Variants in PRKCA observed in about 807,000 individuals in gnomAD.
PRKCA encodes the protein protein kinase C alpha type.
PRKCA carries 27 observed loss-of-function variants against 87.0 expected under a neutral mutation model. That is an observed-to-expected ratio of 0.31 (90% CI 0.23 to 0.43). The LOEUF (loss-of-function observed/expected upper bound fraction) is 0.43. Among genes scored for constraint, PRKCA ranks in the 20% least tolerant of loss-of-function variants. The pLI is 1.00. For synonymous variants in PRKCA, 329 were observed against 311.1 expected, an observed-to-expected ratio of 1.06 and a Z score of -0.61; for missense variants, 518 against 852.3, an observed-to-expected ratio of 0.61 and a Z score of 4.88.
intron 5 of PRKCA, among the ~76,000 whole-genome samples, chr17:66,660,392 G>T (rs1241786541): frequency 6.6e-6 from 1 of 152,158 alleles, no homozygotes; most frequent in African/African-American, 2.4e-5. Flanking sequence ...TCCTTGTCAA[G>T]TTGCTCATTT....
intron 3 of PRKCA, among the ~76,000 whole-genome samples, chr17:66,534,630 G>A (rs1178758581): frequency 6.6e-6 from 1 of 152,154 alleles, no homozygotes; most frequent in Non-Finnish European, 1.5e-5. Context: ...TCACGCCACT[G>A]CACTCCAGCC....
intron 3 of PRKCA, among the ~76,000 whole-genome samples, chr17:66,503,342 T>C (rs1440785804): frequency 6.6e-6 from 1 of 152,138 alleles, no homozygotes; most frequent in African/African-American, 2.4e-5. Context: ...TATTGCTCTA[T>C]CTCACCTGGC....
chr17:66,705,949 T>C (rs149580860), intron 8 of PRKCA, among the ~76,000 whole-genome samples: 4 of 152,320 alleles, frequency 2.6e-5, no homozygotes, highest in Non-Finnish European at 5.9e-5. Context: ...TAAGATTGCC[T>C]GTCCCTGGAG....
intron 8 of PRKCA, among the ~76,000 whole-genome samples, chr17:66,705,690 G>A (rs1973174877): frequency 6.6e-6 from 1 of 152,090 alleles, no homozygotes; most frequent in South Asian, 2.1e-4. Flanking sequence ...TACCCACAGG[G>A]GATGAGCAGG....
At chr17:66,755,393 C>T (rs773629949) in intron 13 of PRKCA, among the ~76,000 whole-genome samples, 6 of 152,140 alleles carry the variant, frequency 3.9e-5, no homozygotes, top group African/African-American at 9.7e-5. Flanking sequence ...CCTTAATAAC[C>T]GCCTCATCAC....
At chr17:66,754,366 G>A (rs765725458) in intron 13 of PRKCA, among the ~76,000 whole-genome samples, 4 of 151,936 alleles carry the variant, frequency 2.6e-5, no homozygotes, top group Non-Finnish European at 4.4e-5. Flanking sequence ...TACACAGAGC[G>A]GGCACCATGT....
At chr17:66,788,797 C>G in intron 15 of PRKCA, 42 bp from the exon 16 acceptor site, 1 of 1,600,024 alleles carries the variant, frequency 6.2e-7, no homozygotes, top group Non-Finnish European at 8.5e-7. Context: ...TGTGGGAAGC[C>G]CTTGACATCC....
chr17:66,466,624 G>T (rs1385800759), intron 2 of PRKCA, among the ~76,000 whole-genome samples: 1 of 152,180 alleles, frequency 6.6e-6, no homozygotes, highest in African/African-American at 2.4e-5. Flanking sequence ...TGGAGTCTGT[G>T]CTGTTAAGAA....
chr17:66,486,947 TACA>T (rs1412816381), intron 2 of PRKCA, among the ~76,000 whole-genome samples: 1 of 152,212 alleles, frequency 6.6e-6, no homozygotes, highest in Non-Finnish European at 1.5e-5. Flanking sequence ...CCAAAATATG[TACA>T]ACTATTATGT....
At chr17:66,405,054 G>A (rs1911285079) in intron 2 of PRKCA, among the ~76,000 whole-genome samples, 1 of 151,974 alleles carries the variant, frequency 6.6e-6, no homozygotes, top group Admixed American at 6.6e-5. Context: ...CCGGCCAAGA[G>A]AGGGGTAGGC....
intron 9 of PRKCA, among the ~76,000 whole-genome samples, chr17:66,735,125 G>A (rs1973993827): frequency 1.3e-5 from 2 of 152,180 alleles, no homozygotes; most frequent in African/African-American, 4.8e-5. Context: ...CTTGACTTGA[G>A]AGATTATAAA....
chr17:66,682,040 G>C (rs891951666), intron 5 of PRKCA, among the ~76,000 whole-genome samples: 5 of 152,194 alleles, frequency 3.3e-5, no homozygotes, highest in Non-Finnish European at 7.3e-5. Flanking sequence ...ATCCGGCTAG[G>C]GCGGCCCAGT....
At chr17:66,381,709 T>G (rs1909783250) in intron 2 of PRKCA, among the ~76,000 whole-genome samples, 1 of 152,230 alleles carries the variant, frequency 6.6e-6, no homozygotes, top group Non-Finnish European at 1.5e-5. Flanking sequence ...CCATCCCCAC[T>G]GTCTTCCAGG....
intron 13 of PRKCA, among the ~76,000 whole-genome samples, chr17:66,743,750 ACAGAGCCCT>A (rs1280825699): frequency 1.3e-5 from 2 of 152,168 alleles, no homozygotes; most frequent in African/African-American, 4.8e-5. Flanking sequence ...TCAGCTCTTC[ACAGAGCCCT>A]CAGATGAGCT....
intron 4 of PRKCA, 95 bp downstream of exon 4, chr17:66,641,561 A>T: frequency 1.4e-6 from 1 of 726,858 alleles, no homozygotes; most frequent in East Asian, 2.7e-5. Context: ...TTCAACACCA[A>T]CTCTTCAGTA....
At chr17:66,589,567 T>G (rs1969731319) in intron 3 of PRKCA, among the ~76,000 whole-genome samples, 1 of 152,200 alleles carries the variant, frequency 6.6e-6, no homozygotes, top group African/African-American at 2.4e-5. Flanking sequence ...TACATGGATG[T>G]TTGTGAACAT....
rs534877145 is a variant in PRKCA at position 66,304,897 on chromosome 17, G to C, written c.174-1199G>C. ...GGTTAAGAGGAGGTCAGCTGTGAGA[G>C]TCCATTAAAAGGGAACAGACTGCTG... On this transcript the variant is annotated intron_variant, in intron 1 of 16. Coordinates refer to ENST00000413366, the MANE Select transcript of PRKCA (RefSeq NM_002737.3). Among the ~76,000 whole-genome samples, 24 of 152,122 alleles carry C rather than the reference G, an allele frequency of 1.6e-4. No homozygotes were observed. In the East Asian group the frequency reaches 4.5e-3, roughly 28 times the overall value.
intron 3 of PRKCA, among the ~76,000 whole-genome samples, chr17:66,630,947 C>T (rs1390002686): frequency 5.3e-5 from 8 of 152,128 alleles, no homozygotes; most frequent in South Asian, 2.1e-4. Flanking sequence ...TTATTACACC[C>T]GGCCCTGTTG....
At chr17:66,630,288 A>T (rs1236109512) in intron 3 of PRKCA, among the ~76,000 whole-genome samples, 1 of 152,254 alleles carries the variant, frequency 6.6e-6, no homozygotes. Context: ...ATGTGTAAGT[A>T]TGTACTTAAA....
Sources: allele counts gnomAD v4.1 joint callset (sites outside exome capture counted in the v4.1 genomes callset), GRCh38; gene constraint gnomAD v4.1.1; transcripts MANE v1.5; gene names NCBI Gene and HGNC (gene_info 2026-07-23, HGNC 2026-07-21).